PRKG1: variants seen among roughly 807,000 people sequenced by gnomAD.
PRKG1 encodes the protein cGMP-dependent protein kinase 1.
In PRKG1, 35 loss-of-function variants were observed where a neutral mutation model predicts 88.1. The observed-to-expected ratio is 0.40, with a 90% CI of 0.30 to 0.53. The LOEUF is 0.53. PRKG1 is among the 20% of genes least tolerant of loss of function. PRKG1 has a pLI of 0.59. For missense variants in PRKG1, 540 were observed against 839.8 expected (o/e 0.64, Z 4.41); for synonymous variants, 303 against 292.5 (o/e 1.04, Z -0.37).
At chr10:52,203,075 CTT>C (rs1335837633) in intron 9 of PRKG1, among the ~76,000 whole-genome samples, 1 of 151,956 alleles carries the variant, frequency 6.6e-6, no homozygotes, top group East Asian at 1.9e-4. Context: ...TTGCTTTGCT[CTT>C]GTTTATCTAG....
chr10:51,059,017 TATGCTACAA>T (rs1408161471), intron 1 of PRKG1, among the ~76,000 whole-genome samples: 2 of 152,218 alleles, frequency 1.3e-5, no homozygotes, highest in East Asian at 3.8e-4. Context: ...TGTTTATCCT[TATGCTACAA>T]ATGTTTGTTT....
At chr10:51,654,273 T>C (rs963020765) in intron 3 of PRKG1, among the ~76,000 whole-genome samples, 1 of 152,222 alleles carries the variant, frequency 6.6e-6, no homozygotes, top group African/African-American at 2.4e-5. Context: ...ATATCATTTA[T>C]TGAAAAGACT....
At chr10:51,097,620 C>T (rs917339318) in intron 1 of PRKG1, among the ~76,000 whole-genome samples, 2 of 152,128 alleles carry the variant, frequency 1.3e-5, no homozygotes, top group Non-Finnish European at 2.9e-5. Flanking sequence ...TTCTTATCTC[C>T]TTTCCGTAGG....
chr10:51,684,938 T>G (rs1337986429), intron 3 of PRKG1, among the ~76,000 whole-genome samples: 1 of 152,208 alleles, frequency 6.6e-6, no homozygotes, highest in Admixed American at 6.5e-5. Context: ...TATGTCTTCA[T>G]TCTAAGTTTT....
chr10:51,528,964 A>T (rs1841949789), intron 3 of PRKG1, among the ~76,000 whole-genome samples: 1 of 152,124 alleles, frequency 6.6e-6, no homozygotes, highest in Non-Finnish European at 1.5e-5. Flanking sequence ...TTTCTCCTAA[A>T]TGCACAGGAA....
intron 2 of PRKG1, among the ~76,000 whole-genome samples, chr10:51,182,453 C>A (rs908526857): frequency 7.2e-5 from 11 of 152,132 alleles, no homozygotes; most frequent in Non-Finnish European, 1.6e-4. Flanking sequence ...TTCCCTTTAG[C>A]AATAGATCTT....
At chr10:52,033,950 C>G (rs10823983) in intron 5 of PRKG1, among the ~76,000 whole-genome samples, 15,922 of 140,856 alleles carry the variant, frequency 0.11, 1,027 homozygotes, top group East Asian at 0.29. Flanking sequence ...TGGCAGGCAG[C>G]AGTGGGGGTC....
chr10:51,105,562 T>C (rs1844812539), intron 1 of PRKG1, among the ~76,000 whole-genome samples: 5 of 152,220 alleles, frequency 3.3e-5, no homozygotes, highest in Admixed American at 3.3e-4. Flanking sequence ...TATATGGATG[T>C]CTATTATTTT....
At chr10:52,028,131 A>AT (rs1039063696) in intron 5 of PRKG1, among the ~76,000 whole-genome samples, 5 of 149,662 alleles carry the variant, frequency 3.3e-5, no homozygotes, top group African/African-American at 7.3e-5. Flanking sequence ...CATAGTTTGT[A>AT]TTTTTTTTTC....
chr10:51,181,384 G>T (rs1487104099), intron 2 of PRKG1, among the ~76,000 whole-genome samples: 10 of 150,490 alleles, frequency 6.6e-5, no homozygotes, highest in African/African-American at 2.4e-4. Context: ...TGGGACTACA[G>T]GCGCCCGCCA....
chr10:51,086,300 C>T (rs1463240115), intron 1 of PRKG1, among the ~76,000 whole-genome samples: 1 of 152,152 alleles, frequency 6.6e-6, no homozygotes, highest in African/African-American at 2.4e-5. Flanking sequence ...AAGGCATTAA[C>T]ATATTTATTT....
At chr10:51,618,174 A>G (rs867474866) in intron 3 of PRKG1, among the ~76,000 whole-genome samples, 35 of 152,306 alleles carry the variant, frequency 2.3e-4, no homozygotes, top group Middle Eastern at 6.8e-3. Context: ...TCAGAGATTA[A>G]GGAAACTTGG....
intron 14 of PRKG1, among the ~76,000 whole-genome samples, chr10:52,284,938 T>C (rs908499264): frequency 6.6e-6 from 1 of 152,078 alleles, no homozygotes; most frequent in Non-Finnish European, 1.5e-5. Context: ...ATGTTTTAAA[T>C]TGAGGGCAAA....
chr10:51,464,878 G>C (rs562379381), intron 2 of PRKG1, among the ~76,000 whole-genome samples: 1 of 125,358 alleles, frequency 8.0e-6, no homozygotes, highest in South Asian at 2.9e-4. Flanking sequence ...GCGACAGAGC[G>C]AGACTCCGTC....
chr10:51,082,163 G>T (rs1844128033), intron 1 of PRKG1, among the ~76,000 whole-genome samples: 1 of 152,158 alleles, frequency 6.6e-6, no homozygotes, highest in African/African-American at 2.4e-5. Flanking sequence ...GAGAAGTGAA[G>T]CAACTTGCCC....
At chr10:51,910,472 A>G (rs1842192576) in intron 5 of PRKG1, 1 of 152,152 alleles carries the variant, frequency 6.6e-6, no homozygotes, top group African/African-American at 2.4e-5. Context: ...CATCACAAAG[A>G]GGCAGATTAA....
intron 1 of PRKG1, among the ~76,000 whole-genome samples, chr10:50,995,474 A>G (rs1842828344): frequency 6.6e-6 from 1 of 152,208 alleles, no homozygotes; most frequent in Non-Finnish European, 1.5e-5. Context: ...TCCAGTAGGG[A>G]TCAAGTGATT....
At chr10:51,856,896 G>A (rs954144692) in intron 4 of PRKG1, among the ~76,000 whole-genome samples, 3 of 151,656 alleles carry the variant, frequency 2.0e-5, no homozygotes, top group Admixed American at 6.6e-5. Flanking sequence ...CCTGGGAGGC[G>A]GAGGTTGCAG....
intron 3 of PRKG1, among the ~76,000 whole-genome samples, chr10:51,537,449 G>A (rs1481293794): frequency 1.3e-5 from 2 of 151,900 alleles, no homozygotes; most frequent in African/African-American, 4.8e-5. Context: ...ATTACTCAGA[G>A]AGGCCAGGCG....
Sources: gnomAD v4.1 joint callset for allele counts (sites outside exome capture counted in the v4.1 genomes callset) on GRCh38, gnomAD v4.1.1 for gene constraint, MANE v1.5 for transcripts, NCBI Gene and HGNC (gene_info 2026-07-23, HGNC 2026-07-21) for gene names.